MEGF11: variants seen among roughly 807,000 people sequenced by gnomAD.
MEGF11 encodes the protein multiple EGF like domains 11.
A neutral mutation model predicts 146.6 loss-of-function variants in MEGF11; 126 were observed. The observed-to-expected ratio is 0.86, with a 90% CI of 0.74 to 1.00. The LOEUF is 1.00. MEGF11 is among the 50% of genes least tolerant of loss of function. The pLI is 0.00. For missense variants in MEGF11, 1,509 were observed against 1,521.2 expected (o/e 0.99, Z 0.13); for synonymous variants, 532 against 583.4 (o/e 0.91, Z 1.27).
chr15:66,247,527 T>G (rs2092311976), intron 1 of MEGF11, among the ~76,000 whole-genome samples: 1 of 152,174 alleles, frequency 6.6e-6, no homozygotes, highest in Non-Finnish European at 1.5e-5. Context: ...CCTTTCACCC[T>G]TCCAAAAGAA....
At chr15:65,914,162 C>G (rs1375412168) in intron 19 of MEGF11, 189 bp from the exon 20 acceptor site, 1 of 590,490 alleles carries the variant, frequency 1.7e-6, no homozygotes, top group Admixed American at 3.0e-5. Context: ...GGGATGGAGT[C>G]TCAGGGTCAT....
chr15:65,955,688 G>A (rs1277571787), intron 10 of MEGF11, among the ~76,000 whole-genome samples: 2 of 133,480 alleles, frequency 1.5e-5, no homozygotes, highest in African/African-American at 2.9e-5. Context: ...AGGTTGCAAT[G>A]AGCCGAGATT....
intron 5 of MEGF11, among the ~76,000 whole-genome samples, chr15:65,994,243 A>C (rs987163650): frequency 6.6e-6 from 1 of 152,048 alleles, no homozygotes; most frequent in Admixed American, 6.6e-5. Context: ...CTTTTCCATC[A>C]CCCACTCACT....
chr15:66,115,878 G>A (rs1450747434), intron 4 of MEGF11, among the ~76,000 whole-genome samples: 1 of 152,176 alleles, frequency 6.6e-6, no homozygotes, highest in Non-Finnish European at 1.5e-5. Context: ...CAGACCCTTC[G>A]CCCAGCCCCG....
At chr15:65,998,178 T>C (rs1213002382) in intron 5 of MEGF11, among the ~76,000 whole-genome samples, 1 of 152,134 alleles carries the variant, frequency 6.6e-6, no homozygotes, top group Non-Finnish European at 1.5e-5. Flanking sequence ...AAAGCAGGAC[T>C]TCCCTGTGGC....
intron 23 of MEGF11, among the ~76,000 whole-genome samples, chr15:65,907,832 C>T (rs1205527092): frequency 1.3e-5 from 2 of 152,228 alleles, no homozygotes; most frequent in Admixed American, 1.3e-4. Context: ...AGCTGAGTTA[C>T]AGTTAGAGCC....
rs574971738 is a variant in MEGF11, at chr15:66,025,791, C to T, written c.395-43303G>A. On this transcript the variant is annotated intron_variant, in intron 5 of 25. Transcript: ENST00000395614. ...CTTACACTTCTGTGAACTTCTAATC[C>T]AGACCCCAGGACCTGCTTCCCAAGC... Among the ~76,000 whole-genome samples the T allele has an allele frequency of 3.7e-4, 57 of 152,296 alleles. 2 individuals are homozygous for T. The highest frequency in any genetic ancestry group is 1.3e-3 in the African/African-American group (56 of 41,562).
intron 10 of MEGF11, among the ~76,000 whole-genome samples, chr15:65,932,416 G>T (rs567887788): frequency 4.2e-4 from 64 of 152,100 alleles, no homozygotes; most frequent in Non-Finnish European, 7.5e-4. Flanking sequence ...CACTCTACCG[G>T]TAAGTGGGTA....
chr15:65,942,324 A>G (rs1039984115), intron 10 of MEGF11, among the ~76,000 whole-genome samples: 2 of 152,184 alleles, frequency 1.3e-5, no homozygotes, highest in African/African-American at 4.8e-5. Flanking sequence ...TGTGTTGACA[A>G]TGAAGGCAGA....
rs142194786 is a variant in MEGF11, at chr15:65,991,910, C to T, written c.395-9422G>A. On this transcript the variant is annotated intron_variant, in intron 5 of 25. Transcript: ENST00000395614. ...TGTCAAACAATTATCAAGCACCTAT[C>T]ATGTTAGGGGCTCAGAAGCCTGCAG... is the stretch of plus-strand genomic sequence containing the variant. 4.5e-3 allele frequency among the ~76,000 whole-genome samples: 690 copies of T among 152,288 alleles called. 7 individuals carry two copies. Among genetic ancestry groups the T allele is most frequent in the African/African-American group, 0.016 (658 of 41,546 alleles).
chr15:66,222,697 C>A (rs1206177629), intron 1 of MEGF11, among the ~76,000 whole-genome samples: 1 of 152,158 alleles, frequency 6.6e-6, no homozygotes, highest in Non-Finnish European at 1.5e-5. Flanking sequence ...AGACACTTCT[C>A]CAAAGAAGGT....
chr15:66,111,193 C>G (rs17241679), intron 4 of MEGF11, among the ~76,000 whole-genome samples: 9,865 of 152,306 alleles, frequency 0.065, 419 homozygotes, highest in Non-Finnish European at 0.092. Context: ...AGATGATATA[C>G]TGCAGGTGAA....
Position 65,987,536 on chromosome 15 carries a change from AT to A in MEGF11, c.395-5049del, listed in dbSNP as rs374381602. On this transcript the variant is annotated intron_variant, in intron 5 of 25. Coordinates refer to ENST00000395614, the MANE Select transcript of MEGF11 (RefSeq NM_001385028.1). ...TAGCATACAAATTTCCATTTTAATC[AT>A]TTTTAAGTGTGTAATTCAGTGGCAT... 4.6e-3 allele frequency among the ~76,000 whole-genome samples: 694 copies of A among 152,176 alleles called. 6 individuals are homozygous for A. Among genetic ancestry groups the A allele is most frequent in the African/African-American group, 0.016 (661 of 41,482 alleles).
chr15:66,183,077 T>C (rs2090595942), intron 1 of MEGF11, among the ~76,000 whole-genome samples: 1 of 152,224 alleles, frequency 6.6e-6, no homozygotes, highest in African/African-American at 2.4e-5. Context: ...ATAAAATGTA[T>C]GTTAATTTAA....
intron 7 of MEGF11, among the ~76,000 whole-genome samples, chr15:65,977,962 C>T (rs1201367558): frequency 1.3e-5 from 2 of 152,324 alleles, no homozygotes; most frequent in Non-Finnish European, 1.5e-5. Context: ...AGAAACAATT[C>T]CCCAGGCTCT....
At chr15:66,234,393 T>A (rs2140213536) in intron 1 of MEGF11, among the ~76,000 whole-genome samples, 1 of 152,386 alleles carries the variant, frequency 6.6e-6, no homozygotes, top group South Asian at 2.1e-4. Context: ...CCAAAGAGAA[T>A]GTCAACTTCA....
At position 66,105,868 on chromosome 15, in the gene MEGF11, C is replaced by A. The variant is rs1008928790; in HGVS notation, c.302-11374G>T. 2.0e-5 allele frequency among the ~76,000 whole-genome samples: 3 copies of A among 152,342 alleles called. No individual in the cohort carries two copies. In the East Asian group the frequency reaches 5.8e-4, roughly 29 times the overall value. ...ACAGAGGCCAAGGCTATAGTCCCTG[C>A]ACCTGGCCACACCAAAGGGCTAGGG... On this transcript the variant is annotated intron_variant, in intron 4 of 25. Transcript: ENST00000395614.
intron 5 of MEGF11, among the ~76,000 whole-genome samples, chr15:66,062,738 T>C (rs187294911): frequency 1.5e-3 from 227 of 151,376 alleles, no homozygotes; most frequent in African/African-American, 5.3e-3. Flanking sequence ...AGAAAGCTAA[T>C]AAGGTGACAT....
chr15:66,127,031 T>G (rs1299377983), intron 2 of MEGF11, among the ~76,000 whole-genome samples: 2 of 152,242 alleles, frequency 1.3e-5, no homozygotes, highest in African/African-American at 4.8e-5. Context: ...CTGACGCTTA[T>G]GGCCCTCAAA....
Sources: allele counts gnomAD v4.1 joint callset (sites outside exome capture counted in the v4.1 genomes callset), GRCh38; gene constraint gnomAD v4.1.1; transcripts MANE v1.5; gene names NCBI Gene and HGNC (gene_info 2026-07-23, HGNC 2026-07-21).